Variants in CCDC192 observed in about 807,000 individuals in gnomAD.
The protein encoded by CCDC192 is coiled-coil domain containing 192, also known as coiled-coil domain-containing protein 192.
At chr5:127,851,871 T>C (rs559214296) in intron 5 of CCDC192, among the ~76,000 whole-genome samples, 3 of 152,342 alleles carry the variant, frequency 2.0e-5, no homozygotes, top group Admixed American at 1.3e-4. Flanking sequence ...CACATCTGTC[T>C]AGCTATTGCT....
At chr5:127,854,133 A>C (rs1312767689) in intron 5 of CCDC192, among the ~76,000 whole-genome samples, 2 of 151,312 alleles carry the variant, frequency 1.3e-5, no homozygotes, top group Non-Finnish European at 2.9e-5. Flanking sequence ...CTTCCTCCAA[A>C]CCCCCATCCT....
At position 127,885,275 on chromosome 5, in the gene CCDC192, G is replaced by T. The variant is rs113455223; in HGVS notation, c.535+9614G>T. Among the ~76,000 whole-genome samples the T allele has an allele frequency of 5.0e-3, 761 of 152,310 alleles. 9 individuals carry two copies. The highest frequency in any genetic ancestry group is 0.018 in the African/African-American group (742 of 41,562). On this transcript the variant is annotated intron_variant, in intron 6 of 6. Transcript: ENST00000514853. ...ACTGCTCTGATTACCTGAAGGGCAT[G>T]TACTGCTTGGGAATGCTGCTAAATA...
intron 6 of CCDC192, among the ~76,000 whole-genome samples, chr5:127,884,417 A>G (rs148244432): frequency 6.7e-6 from 1 of 149,264 alleles, no homozygotes; most frequent in African/African-American, 2.5e-5. Flanking sequence ...ACAGAAAGCT[A>G]TCTTATATCA....
In CCDC192 at chr5:127,921,087, A is replaced by AGAAAGGAAAG. The variant is rs141415438; in HGVS notation, c.536-20077_536-20068dup. ...GGAAGCAGGAAAGGAGGAAAGGAAA[A>AGAAAGGAAAG]GAAAGGAAAGGAAAGGAAAGGAAAG... On this transcript the variant is annotated intron_variant, in intron 6 of 6. Coordinates refer to ENST00000514853, the MANE Select transcript of CCDC192 (RefSeq NM_001317938.2). Among the ~76,000 whole-genome samples, 269 of 131,702 alleles carry AGAAAGGAAAG rather than the reference A, an allele frequency of 2.0e-3. 3 individuals are homozygous for AGAAAGGAAAG. The highest frequency in any genetic ancestry group is 5.6e-3 in the South Asian group (22 of 3,896). 86.4% of individuals were successfully genotyped at this position (131,702 alleles called of 152,430 possible). A position where few individuals can be genotyped will look rare whatever the true frequency, so the allele number is the denominator to read the frequency against.
intron 2 of CCDC192, among the ~76,000 whole-genome samples, chr5:127,734,315 C>T (rs1420482850): frequency 6.6e-6 from 1 of 151,974 alleles, no homozygotes; most frequent in East Asian, 1.9e-4. Context: ...TTTTCTTAAT[C>T]CAGTCTATCA....
chr5:127,718,555 G>C (rs181357032), intron 2 of CCDC192, among the ~76,000 whole-genome samples: 171 of 152,258 alleles, frequency 1.1e-3, no homozygotes, highest in African/African-American at 3.5e-3. Context: ...TGTATAGAAG[G>C]AAGGGAATTT....
chr5:127,796,389 A>T (rs1757166548), intron 3 of CCDC192, among the ~76,000 whole-genome samples: 1 of 152,156 alleles, frequency 6.6e-6, no homozygotes, highest in Non-Finnish European at 1.5e-5. Context: ...CTTTCCAGGG[A>T]GTCTTTCAGG....
chr5:127,933,489 C>A (rs1754105728), intron 6 of CCDC192, among the ~76,000 whole-genome samples: 1 of 152,196 alleles, frequency 6.6e-6, no homozygotes, highest in African/African-American at 2.4e-5. Context: ...TTCTCTTGGT[C>A]TGCTTAACTC....
chr5:127,919,944 C>T (rs922279858), intron 6 of CCDC192, among the ~76,000 whole-genome samples: 2 of 152,190 alleles, frequency 1.3e-5, no homozygotes, highest in Admixed American at 1.3e-4. Context: ...TGGCTAGCAG[C>T]CACTTACTCT....
chr5:127,752,800 A>G (rs1462757302), intron 2 of CCDC192, among the ~76,000 whole-genome samples: 2 of 152,064 alleles, frequency 1.3e-5, no homozygotes, highest in African/African-American at 2.4e-5. Context: ...GCCAGGTGCG[A>G]GATATAATCT....
At chr5:127,835,153 G>C (rs993575091) in intron 5 of CCDC192, among the ~76,000 whole-genome samples, 1 of 152,116 alleles carries the variant, frequency 6.6e-6, no homozygotes, top group Non-Finnish European at 1.5e-5. Context: ...TGGTTCTATG[G>C]TATGTGTTAG....
chr5:127,854,365 G>T (rs1173315227), intron 5 of CCDC192, among the ~76,000 whole-genome samples: 1 of 152,062 alleles, frequency 6.6e-6, no homozygotes, highest in East Asian at 1.9e-4. Context: ...TGCAGTTTCG[G>T]TTACCCACAG....
rs924504897 is a variant in CCDC192 at position 127,882,929 on chromosome 5, T to C, written c.535+7268T>C. 2.4e-4 allele frequency among the ~76,000 whole-genome samples: 36 copies of C among 152,148 alleles called. 1 individual carries two copies. Among genetic ancestry groups the C allele is most frequent in the African/African-American group, 7.7e-4 (32 of 41,432 alleles). Reference sequence around the variant, plus strand: ...TAGCAACCAATTATTTGACCAAGAGTTCTACAGGTAACCTTCTTTCACCAC... The same window carrying C: ...TAGCAACCAATTATTTGACCAAGAGCTCTACAGGTAACCTTCTTTCACCAC... On this transcript the variant is annotated intron_variant, in intron 6 of 6. Coordinates refer to ENST00000514853, the MANE Select transcript of CCDC192 (RefSeq NM_001317938.2).
At chr5:127,743,011 T>A (rs1753510121) in intron 2 of CCDC192, among the ~76,000 whole-genome samples, 1 of 152,132 alleles carries the variant, frequency 6.6e-6, no homozygotes, top group Non-Finnish European at 1.5e-5. Context: ...CAACTCATCT[T>A]TTCAGGGAAC....
intron 5 of CCDC192, among the ~76,000 whole-genome samples, chr5:127,831,183 C>T (rs1749778544): frequency 6.6e-6 from 1 of 152,072 alleles, no homozygotes; most frequent in South Asian, 2.1e-4. Context: ...ACTGTGTCTT[C>T]TATCTTGAAG....
At chr5:127,863,856 C>T (rs1161630005) in intron 5 of CCDC192, among the ~76,000 whole-genome samples, 6 of 152,212 alleles carry the variant, frequency 3.9e-5, no homozygotes, top group East Asian at 3.9e-4. Context: ...TCAACTTTGA[C>T]GCATAAAAAC....
rs188835890 is a variant in CCDC192, at chr5:127,889,388, T to C, written c.535+13727T>C. Among the ~76,000 whole-genome samples the C allele has an allele frequency of 4.9e-3, 718 of 145,098 alleles. 4 individuals carry two copies. Among genetic ancestry groups the C allele is most frequent in the African/African-American group, 0.017 (688 of 39,412 alleles). On this transcript the variant is annotated intron_variant, in intron 6 of 6. Coordinates refer to ENST00000514853, the MANE Select transcript of CCDC192 (RefSeq NM_001317938.2). Reference sequence around the variant, plus strand: ...ATGCATATTTCTTTTTTTTTCCTTTTCTTTTCTTTTCTTTCTTTCTTTTTT... The same window carrying C: ...ATGCATATTTCTTTTTTTTTCCTTTCCTTTTCTTTTCTTTCTTTCTTTTTT...
chr5:127,836,289 A>G (rs1750032461), intron 5 of CCDC192, among the ~76,000 whole-genome samples: 1 of 152,220 alleles, frequency 6.6e-6, no homozygotes, highest in Non-Finnish European at 1.5e-5. Flanking sequence ...GGCATTGGGC[A>G]GCTCCACCCC....
intron 2 of CCDC192, among the ~76,000 whole-genome samples, chr5:127,742,599 C>A (rs985757147): frequency 5.9e-5 from 9 of 152,152 alleles, no homozygotes; most frequent in African/African-American, 2.2e-4. Context: ...GGTCTCTATA[C>A]TTAGATTTCA....
Sources: gnomAD v4.1 joint callset for allele counts (sites outside exome capture counted in the v4.1 genomes callset) on GRCh38, gnomAD v4.1.1 for gene constraint, MANE v1.5 for transcripts, NCBI Gene and HGNC (gene_info 2026-07-23, HGNC 2026-07-21) for gene names.